Variants in RHOU observed in about 807,000 individuals in gnomAD.
RHOU encodes ras homolog family member U, also known as rho-related GTP-binding protein RhoU.
A neutral mutation model predicts 12.6 loss-of-function variants in RHOU; 8 were observed. That is an observed-to-expected ratio of 0.64 (90% confidence interval 0.37 to 1.15). The LOEUF is 1.15. Ranked by LOEUF, RHOU falls within the 50% of genes most tolerant of loss-of-function variation. The pLI is 0.01. For missense variants in RHOU, 258 were observed against 347.0 expected (o/e 0.74, Z 2.04); for synonymous variants, 161 against 147.4 (o/e 1.09, Z -0.67).
chr1:228,650,346 C>A, the RHOU span: 1 of 462,226 alleles, frequency 2.2e-6, no homozygotes, highest in South Asian at 1.5e-5. Flanking sequence ...TGGCCTTTAC[C>A]GCCTTGAGCG....
At position 228,746,627 on chromosome 1, in the gene RHOU, A is replaced by G. The variant is rs1025096130; in HGVS notation, c.*2887A>G. ...GCAGAATGTTGTACTTGAAAATGCT[A>G]TAAGTGAGATGGTATGAAATAAATT... On this transcript the variant is annotated 3_prime_UTR_variant, in exon 3 of 3. Coordinates refer to ENST00000366691, the MANE Select transcript of RHOU (RefSeq NM_021205.6). 3.9e-5 allele frequency: 6 copies of G among 152,258 alleles called. No individual in the cohort carries two copies. Among genetic ancestry groups the G allele is most frequent in the African/African-American group, 9.6e-5 (4 of 41,468 alleles). 9.4% of individuals were successfully genotyped at this position (152,258 alleles called of 1,614,324 possible).
chr1:228,677,387 T>C, the RHOU span, among the ~76,000 whole-genome samples: 2 of 152,216 alleles, frequency 1.3e-5, no homozygotes, highest in African/African-American at 4.8e-5. Flanking sequence ...CATAATTATT[T>C]TCTTGGTTGG....
the RHOU span, among the ~76,000 whole-genome samples, chr1:228,684,981 C>T: frequency 4.6e-5 from 7 of 152,288 alleles, no homozygotes; most frequent in Middle Eastern, 3.4e-3. Flanking sequence ...CCAGCTACTC[C>T]GAGAGCTGCT....
At chr1:228,678,209 A>G in the RHOU span, among the ~76,000 whole-genome samples, 1 of 152,222 alleles carries the variant, frequency 6.6e-6, no homozygotes, top group East Asian at 1.9e-4. Flanking sequence ...GAGAGGTTCT[A>G]AGAGGCGGGC....
chr1:228,717,092 C>T, the RHOU span, among the ~76,000 whole-genome samples: 2 of 152,160 alleles, frequency 1.3e-5, no homozygotes, highest in Admixed American at 1.3e-4. Context: ...GTGCAGATGA[C>T]AGGGCTGGAA....
chr1:228,696,660 A>G, the RHOU span, among the ~76,000 whole-genome samples: 2,462 of 152,124 alleles, frequency 0.016, 81 homozygotes, highest in African/African-American at 0.056. Flanking sequence ...CGTTCCTCCC[A>G]TCTCAGCCTC....
the RHOU span, among the ~76,000 whole-genome samples, chr1:228,728,408 CTT>C: frequency 2.0e-5 from 3 of 152,222 alleles, no homozygotes; most frequent in South Asian, 2.1e-4. Flanking sequence ...TATTAAAACA[CTT>C]ATAAATAGCC....
chr1:228,711,479 G>A, the RHOU span, among the ~76,000 whole-genome samples: 1 of 152,024 alleles, frequency 6.6e-6, no homozygotes, highest in Non-Finnish European at 1.5e-5. Context: ...CAATGGAACA[G>A]AACAGAGCCC....
chr1:228,687,754 G>C, the RHOU span: 1 of 1,410,128 alleles, frequency 7.1e-7, no homozygotes, highest in South Asian at 1.1e-5. Flanking sequence ...TGCAAGATGG[G>C]AGCGCCCGAA....
chr1:228,669,405 G>A, the RHOU span, among the ~76,000 whole-genome samples: 1 of 152,176 alleles, frequency 6.6e-6, no homozygotes, highest in Admixed American at 6.5e-5. Flanking sequence ...CATGTTTCTT[G>A]CATTACAGCC....
chr1:228,659,302 C>T, the RHOU span, among the ~76,000 whole-genome samples: 11 of 151,378 alleles, frequency 7.3e-5, no homozygotes, highest in Admixed American at 1.3e-4. Flanking sequence ...CACTTAAACC[C>T]GGGAGGCAGA....
the RHOU span, among the ~76,000 whole-genome samples, chr1:228,691,091 T>G: frequency 1.3e-5 from 2 of 152,114 alleles, no homozygotes; most frequent in African/African-American, 2.4e-5. Flanking sequence ...TATAATTTTT[T>G]TTTTTTTAAA....
At chr1:228,699,966 C>CCAAA in the RHOU span, among the ~76,000 whole-genome samples, 1 of 152,070 alleles carries the variant, frequency 6.6e-6, no homozygotes, top group Non-Finnish European at 1.5e-5. Flanking sequence ...GTTTAACAAA[C>CCAAA]CAAACATTGA....
the RHOU span, among the ~76,000 whole-genome samples, chr1:228,649,638 T>G: frequency 2.6e-5 from 4 of 152,136 alleles, no homozygotes; most frequent in South Asian, 2.1e-4. Context: ...TTTTAACCTT[T>G]TGATATTTTG....
the RHOU span, chr1:228,650,264 T>C: frequency 2.2e-6 from 1 of 460,234 alleles, no homozygotes; most frequent in South Asian, 1.5e-5. Flanking sequence ...GCTGGGTCGC[T>C]GGCGCCAGTG....
At chr1:228,699,555 G>T in the RHOU span, among the ~76,000 whole-genome samples, 1 of 149,080 alleles carries the variant, frequency 6.7e-6, no homozygotes, top group Non-Finnish European at 1.5e-5. Flanking sequence ...GCCTTCAAGT[G>T]ATTATTTCAT....
chr1:228,665,150 C>T, the RHOU span, among the ~76,000 whole-genome samples: 3 of 152,210 alleles, frequency 2.0e-5, no homozygotes, highest in African/African-American at 7.2e-5. Context: ...CCTTTGGCTC[C>T]AGGACCTATG....
Position 228,737,037 on chromosome 1 carries a change from C to A in RHOU, c.263-636C>A, listed in dbSNP as rs2102715643. ...ACTGACTGCTTAATTAAAATAGAAA[C>A]CTCCACAACATGTCCTGCTGCAGGC... On this transcript the variant is annotated intron_variant, in intron 1 of 2. Transcript: ENST00000366691. The surrounding 1 kb of genome is among the most constrained non-coding windows in gnomAD (Gnocchi z 4.1). Among the ~76,000 whole-genome samples the A allele has an allele frequency of 6.7e-6, 1 of 149,246 alleles. No homozygotes were observed. Among genetic ancestry groups the A allele is most frequent in the Non-Finnish European group, 1.5e-5 (1 of 67,652 alleles).
At chr1:228,723,742 C>T in the RHOU span, among the ~76,000 whole-genome samples, 2 of 152,206 alleles carry the variant, frequency 1.3e-5, no homozygotes, top group Non-Finnish European at 2.9e-5. Context: ...CTTAATAACT[C>T]CTACCACATA....
Sources: gnomAD v4.1 joint callset for allele counts (sites outside exome capture counted in the v4.1 genomes callset) on GRCh38, gnomAD v4.1.1 for gene constraint, Gnocchi (gnomAD v3.1) non-coding constraint, MANE v1.5 for transcripts, NCBI Gene and HGNC (gene_info 2026-07-23, HGNC 2026-07-21) for gene names.